The following VPS13D variants were observed in gnomAD, a reference collection of about 807,000 sequenced individuals.
VPS13D encodes intermembrane lipid transfer protein VPS13D.
A neutral mutation model predicts 461.9 loss-of-function variants in VPS13D; 187 were observed. The observed-to-expected ratio is 0.40, with a 90% CI of 0.36 to 0.46. The LOEUF is 0.46. Among genes scored for constraint, VPS13D ranks in the 20% least tolerant of loss-of-function variants. The pLI is 0.60. For missense variants in VPS13D, 4,711 were observed against 5,364.9 expected (o/e 0.88, Z 3.81); for synonymous variants, 1,951 against 1,986.3 (o/e 0.98, Z 0.47).
At position 12,279,468 on chromosome 1, in the gene VPS13D, A is replaced by G. The variant is rs1641714253; in HGVS notation, c.4451-31A>G. The G allele has an allele frequency of 2.5e-6, 4 of 1,571,540 alleles. No homozygotes were observed. Among genetic ancestry groups the G allele is most frequent in the African/African-American group, 1.3e-5 (1 of 74,218 alleles). On this transcript the variant is annotated intron_variant, in intron 19 of 69. Coordinates refer to ENST00000620676, the MANE Select transcript of VPS13D (RefSeq NM_015378.4). The surrounding 1 kb of genome is among the most constrained non-coding windows in gnomAD (Gnocchi z 4.3). ...AGTAATGAAGTAAATATTAAGGTTT[A>G]TGGTCTATCATTTCATCTCTTTTAT...
At chr1:12,334,740 T>C (rs1015828870) in intron 38 of VPS13D, among the ~76,000 whole-genome samples, 1 of 152,172 alleles carries the variant, frequency 6.6e-6, no homozygotes, top group African/African-American at 2.4e-5. Flanking sequence ...ACTCCAGCCT[T>C]GGAGACAGAG....
chr1:12,356,712 T>G (rs1643888779), intron 49 of VPS13D, among the ~76,000 whole-genome samples, 188 bp downstream of exon 49: 1 of 152,236 alleles, frequency 6.6e-6, no homozygotes, highest in South Asian at 2.1e-4. Flanking sequence ...ATACTGAAAA[T>G]AAACCATTTG....
At chr1:12,478,394 T>C (rs1645664275) in intron 67 of VPS13D, among the ~76,000 whole-genome samples, 1 of 152,270 alleles carries the variant, frequency 6.6e-6, no homozygotes, top group African/African-American at 2.4e-5. Context: ...TGTGTCCCAT[T>C]GATTGCGGTC....
intron 50 of VPS13D, 151 bp downstream of exon 50, chr1:12,358,752 A>C: frequency 2.0e-6 from 2 of 1,013,166 alleles, no homozygotes; most frequent in Non-Finnish European, 2.8e-6. Context: ...TGAATGCTAC[A>C]GTGATATCAA....
In VPS13D at chr1:12,401,628, G is replaced by C. The variant is rs1414949538; in HGVS notation, c.11805G>C (p.Gln3935His). 3 of 1,613,132 alleles carry C rather than the reference G, an allele frequency of 1.9e-6. No homozygotes were observed. The highest frequency in any genetic ancestry group is 2.5e-6 in the Non-Finnish European group (3 of 1,179,348). ...NIYKHLMITA[Q>H]RFTVQIEEKL... Reference sequence around the variant, plus strand: ...TCTAGCATCTGATGATCACAGCTCAGAGATTCACAGTGCAAATTGAGGAGA... The same window carrying C: ...TCTAGCATCTGATGATCACAGCTCACAGATTCACAGTGCAAATTGAGGAGA... Residue 3935 changes from glutamine (Q) to histidine (H), a missense_variant, in exon 62 of 70, where the codon CAG becomes CAC. This residue lies in a region of VPS13D where 4,411 missense variants were observed against 4,937.8 expected (regional missense o/e 0.89). Coordinates refer to ENST00000620676, the MANE Select transcript of VPS13D (RefSeq NM_015378.4).
At chr1:12,353,532 C>CAAAA (rs79787458) in intron 46 of VPS13D, among the ~76,000 whole-genome samples, 45 of 36,286 alleles carry the variant, frequency 1.2e-3, no homozygotes, top group African/African-American at 2.3e-3. Flanking sequence ...GACTGCATCT[C>CAAAA]AAAAAAAAAA....
chr1:12,326,321 A>ATTTTTTTTTTTTTT (rs763042688), intron 35 of VPS13D, among the ~76,000 whole-genome samples: 4 of 49,270 alleles, frequency 8.1e-5, no homozygotes, highest in African/African-American at 8.3e-5. Flanking sequence ...AACCTTTTGG[A>ATTTTTTTTTTTTTT]TTTTTTTTTT....
In VPS13D at chr1:12,508,237, AAGACCT is replaced by A. The variant is rs536113315; in HGVS notation, c.13036-652_13036-647del. 2.6e-5 allele frequency among the ~76,000 whole-genome samples: 4 copies of A among 152,304 alleles called. No individual in the cohort carries two copies. The East Asian group carries it at 7.7e-4, about 29-fold the overall frequency. On this transcript the variant is annotated intron_variant, in intron 69 of 69. Coordinates refer to ENST00000620676, the MANE Select transcript of VPS13D (RefSeq NM_015378.4). ...GGGCAGAGAGGTGTTTGTGGTAAGA[AAGACCT>A]AGAGGCTTTTGTTCGCTGATTCTTC...
chr1:12,408,048 A>G (rs1289081044), intron 63 of VPS13D, among the ~76,000 whole-genome samples: 1 of 152,176 alleles, frequency 6.6e-6, no homozygotes, highest in Non-Finnish European at 1.5e-5. Context: ...AGCTTACTGA[A>G]CGTTCACTCA....
At chr1:12,293,107 T>C (rs1445358295) in intron 23 of VPS13D, among the ~76,000 whole-genome samples, 1 of 152,248 alleles carries the variant, frequency 6.6e-6, no homozygotes. Context: ...TTTCTGCCTC[T>C]AGAAGACAGT....
Position 12,244,308 on chromosome 1 carries a change from A to C in VPS13D, c.238A>C (p.Ile80Leu). Residue 80 changes from isoleucine (I) to leucine (L), a missense_variant, in exon 4 of 70, where the codon ATC (isoleucine) becomes CTC (leucine). Physicochemically the swap from Ile to Leu is conservative, Grantham distance 5 (BLOSUM62 2). Coordinates refer to ENST00000620676, the MANE Select transcript of VPS13D (RefSeq NM_015378.4). ...FYRPHVDPWV[I>L]SISSLHLIGA... Reference sequence around the variant, plus strand: ...TCGCCCCCATGTGGACCCTTGGGTGATCTCCATCTCCAGCCTTCACTTAAT... The same window carrying C: ...TCGCCCCCATGTGGACCCTTGGGTGCTCTCCATCTCCAGCCTTCACTTAAT... The C allele has an allele frequency of 6.2e-7, 1 of 1,614,136 alleles. No homozygotes were observed. Among genetic ancestry groups the C allele is most frequent in the Non-Finnish European group, 8.5e-7 (1 of 1,180,004 alleles).
intron 1 of VPS13D, among the ~76,000 whole-genome samples, 173 bp downstream of exon 1, chr1:12,230,293 C>A (rs1010537593): frequency 6.6e-6 from 1 of 152,120 alleles, no homozygotes; most frequent in East Asian, 1.9e-4. Flanking sequence ...GTCTGAGCCC[C>A]TCGGGGTAAC....
chr1:12,472,109 A>G (rs186799256), intron 67 of VPS13D, among the ~76,000 whole-genome samples: 5 of 152,314 alleles, frequency 3.3e-5, no homozygotes, highest in Admixed American at 1.3e-4. Flanking sequence ...GTACTATAGC[A>G]GTACTATTCT....
chr1:12,368,403 A>T (rs1644069270), intron 52 of VPS13D, 65 bp from the exon 53 acceptor site: 1 of 1,528,928 alleles, frequency 6.5e-7, no homozygotes, highest in African/African-American at 1.4e-5. Flanking sequence ...GAAATATGAG[A>T]AGTAAGTGGA....
rs369411868 is a variant in VPS13D, at chr1:12,417,353, C to T, written c.12333+526C>T. Among the ~76,000 whole-genome samples, 25 of 152,288 alleles carry T rather than the reference C, an allele frequency of 1.6e-4. No individual in the cohort carries two copies. In the East Asian group the frequency reaches 3.5e-3, roughly 21 times the overall value. On this transcript the variant is annotated intron_variant, in intron 65 of 69. Coordinates refer to ENST00000620676, the MANE Select transcript of VPS13D (RefSeq NM_015378.4). ...TGGTTTGTTCACTGACATCTTAATT[C>T]GTGGACATTTTCTTAGTTCACTCTG...
chr1:12,250,268 G>T (rs181210611), intron 6 of VPS13D, among the ~76,000 whole-genome samples: 5 of 152,134 alleles, frequency 3.3e-5, no homozygotes, highest in African/African-American at 4.8e-5. Context: ...GTGCTGAAAG[G>T]CCCAACCCTC....
At chr1:12,325,936 A>G (rs1478915851) in intron 35 of VPS13D, among the ~76,000 whole-genome samples, 1 of 150,718 alleles carries the variant, frequency 6.6e-6, no homozygotes, top group Admixed American at 6.6e-5. Context: ...ATACCAGACC[A>G]AAGGGTATAG....
intron 2 of VPS13D, among the ~76,000 whole-genome samples, chr1:12,241,917 C>T (rs764832881): frequency 3.9e-5 from 6 of 152,072 alleles, no homozygotes; most frequent in East Asian, 1.9e-4. Context: ...AGTTGGTCTG[C>T]GGGTGGGGCC....
intron 56 of VPS13D, 71 bp downstream of exon 56, chr1:12,378,662 A>G (rs1644234030): frequency 5.0e-6 from 7 of 1,397,606 alleles, no homozygotes; most frequent in Non-Finnish European, 5.7e-6. Flanking sequence ...ATCTACAACA[A>G]AAACTAAGAG....
Sources: gnomAD v4.1 joint callset for allele counts (sites outside exome capture counted in the v4.1 genomes callset) on GRCh38, gnomAD v4.1.1 for gene constraint, gnomAD v4.1.1 regional missense constraint, Gnocchi (gnomAD v3.1) non-coding constraint, MANE v1.5 for transcripts, NCBI Gene and HGNC (gene_info 2026-07-23, HGNC 2026-07-21) for gene names.